MPP7: variants seen among roughly 807,000 people sequenced by gnomAD.
The protein encoded by MPP7 is MAGUK p55 scaffold protein 7, also known as MAGUK p55 subfamily member 7.
MPP7 carries 60 observed loss-of-function variants against 76.5 expected under a neutral mutation model. That is an observed-to-expected ratio of 0.78 (90% confidence interval 0.64 to 0.97). MPP7 has a LOEUF of 0.97. MPP7 is among the 50% of genes least tolerant of loss of function. MPP7 has a pLI of 0.00. For synonymous variants in MPP7, 237 were observed against 244.5 expected, an observed-to-expected ratio of 0.97 and a Z score of 0.29; for missense variants, 641 against 694.0, an observed-to-expected ratio of 0.92 and a Z score of 0.86.
rs1834924077 is a variant in MPP7, at chr10:28,123,927, C to G, written c.615+104G>C. ...AGGGATTAAGTGTTCGAACCCTGCA[C>G]TGCTTAATACAAATCCTGTCTATGT... is the stretch of plus-strand genomic sequence containing the variant. On this transcript the variant is annotated intron_variant, in intron 8 of 16. Coordinates refer to ENST00000683449, the MANE Select transcript of MPP7 (RefSeq NM_001318170.2). 7 of 766,818 alleles carry G rather than the reference C, an allele frequency of 9.1e-6. No individual in the cohort carries two copies. The South Asian group carries it at 1.1e-4, about 12-fold the overall frequency. 47.5% of individuals were successfully genotyped at this position (766,818 alleles called of 1,614,324 possible). A position where few individuals can be genotyped will look rare whatever the true frequency, so the allele number is the denominator to read the frequency against.
At chr10:28,318,355 G>A (rs146831230) in intron 2 of MPP7, among the ~76,000 whole-genome samples, 91 of 152,260 alleles carry the variant, frequency 6.0e-4, no homozygotes, top group South Asian at 3.5e-3. Context: ...TTCCTTCTCT[G>A]TGTAACATAA....
intron 1 of MPP7, among the ~76,000 whole-genome samples, chr10:28,263,094 A>G (rs1201016830): frequency 2.6e-5 from 4 of 152,198 alleles, no homozygotes; most frequent in Non-Finnish European, 5.9e-5. Flanking sequence ...CTCACATTTA[A>G]AAAGAAACAT....
chr10:28,108,716 T>C (rs1167614304), intron 11 of MPP7, among the ~76,000 whole-genome samples: 3 of 151,966 alleles, frequency 2.0e-5, no homozygotes, highest in African/African-American at 7.3e-5. Context: ...AATTCACCAT[T>C]CATTCCCTCT....
At chr10:28,146,319 G>A (rs144447813) in intron 5 of MPP7, among the ~76,000 whole-genome samples, 1 of 151,560 alleles carries the variant, frequency 6.6e-6, no homozygotes, top group African/African-American at 2.4e-5. Context: ...AGCCTGTTTA[G>A]CTTTTACAGC....
Position 28,238,171 on chromosome 10 carries a change from GA to G in MPP7, c.37+396del, listed in dbSNP as rs1011451592. On this transcript the variant is annotated intron_variant, in intron 2 of 16. Coordinates refer to ENST00000683449, the MANE Select transcript of MPP7 (RefSeq NM_001318170.2). ...TAAGGATAATGTTTTATTTCTTAAA[GA>G]AAAAAAAAAGAGAAAAATATGAATC... Among the ~76,000 whole-genome samples the G allele has an allele frequency of 6.1e-3, 887 of 146,138 alleles. 1 individual carries two copies. The highest frequency in any genetic ancestry group is 0.021 in the African/African-American group (843 of 39,918).
In MPP7 at chr10:28,191,208, G is replaced by A. The variant is rs148530034; in HGVS notation, c.156+10945C>T. ...GGTGAATTCTACAAAACACTTAAGGGAGAAATTATACCAATTCTCTGCAAT... is the reference window on the plus strand; with the variant it reads ...GGTGAATTCTACAAAACACTTAAGGAAGAAATTATACCAATTCTCTGCAAT... On this transcript the variant is annotated intron_variant, in intron 3 of 16. Coordinates refer to ENST00000683449, the MANE Select transcript of MPP7 (RefSeq NM_001318170.2). Among the ~76,000 whole-genome samples, 790 of 152,194 alleles carry A rather than the reference G, an allele frequency of 5.2e-3. 7 individuals carry two copies. The highest frequency in any genetic ancestry group is 0.017 in the African/African-American group (713 of 41,518).
At chr10:28,080,221 T>A (rs1332145426) in intron 12 of MPP7, among the ~76,000 whole-genome samples, 1 of 152,124 alleles carries the variant, frequency 6.6e-6, no homozygotes, top group African/African-American at 2.4e-5. Flanking sequence ...AGGCAGCTAT[T>A]TACTCTACGC....
At chr10:28,137,659 A>G (rs756098056) in intron 5 of MPP7, among the ~76,000 whole-genome samples, 3 of 152,232 alleles carry the variant, frequency 2.0e-5, no homozygotes, top group Non-Finnish European at 4.4e-5. Context: ...TTAATTTTGG[A>G]CAACTAAAAT....
Position 28,098,414 on chromosome 10 carries a change from T to A in MPP7, c.953-8573A>T, listed in dbSNP as rs577934018. On this transcript the variant is annotated intron_variant, in intron 11 of 16. Coordinates refer to ENST00000683449, the MANE Select transcript of MPP7 (RefSeq NM_001318170.2). ...ATGGATACAGAAATATAGAAGAAAA[T>A]ATGTTTTTTAAAAAGACAATGGTTG... Among the ~76,000 whole-genome samples the A allele has an allele frequency of 4.3e-3, 648 of 151,886 alleles. 2 individuals carry two copies. The highest frequency in any genetic ancestry group is 0.014 in the African/African-American group (598 of 41,518).
At chr10:28,189,456 C>A (rs549706182) in intron 3 of MPP7, among the ~76,000 whole-genome samples, 1 of 150,898 alleles carries the variant, frequency 6.6e-6, no homozygotes, top group East Asian at 2.0e-4. Context: ...GTACTTCCAG[C>A]TACTTGGGAG....
intron 2 of MPP7, among the ~76,000 whole-genome samples, chr10:28,209,619 A>G (rs1271187575): frequency 6.6e-6 from 1 of 152,214 alleles, no homozygotes; most frequent in Non-Finnish European, 1.5e-5. Context: ...TTTTTCTAAT[A>G]CAGATTTGAA....
intron 3 of MPP7, among the ~76,000 whole-genome samples, chr10:28,161,144 T>C (rs368469708): frequency 2.2e-3 from 337 of 152,318 alleles, no homozygotes; most frequent in African/African-American, 7.8e-3. Flanking sequence ...ATGGCACTAT[T>C]TCAAAATCGT....
At chr10:28,173,768 A>C (rs774204657) in intron 3 of MPP7, among the ~76,000 whole-genome samples, 1 of 152,256 alleles carries the variant, frequency 6.6e-6, no homozygotes, top group East Asian at 1.9e-4. Flanking sequence ...TGCAAGATCT[A>C]TAAGAGAAAA....
intron 1 of MPP7, among the ~76,000 whole-genome samples, chr10:28,280,450 A>T (rs375645212): frequency 6.6e-6 from 1 of 152,094 alleles, no homozygotes; most frequent in African/African-American, 2.4e-5. Context: ...GCCTGGACAT[A>T]TTCAGTACAG....
chr10:28,258,429 T>G lies in MPP7; in HGVS notation c.-131-19694A>C, dbSNP rs186496309. Among the ~76,000 whole-genome samples, 1,145 of 148,462 alleles carry G rather than the reference T, an allele frequency of 7.7e-3. 16 individuals carry two copies. Among genetic ancestry groups the G allele is most frequent in the African/African-American group, 0.026 (1,070 of 40,846 alleles). On this transcript the variant is annotated intron_variant, in intron 1 of 16. Coordinates refer to ENST00000683449, the MANE Select transcript of MPP7 (RefSeq NM_001318170.2). ...ATAAATTTTTTTTTGAGACAGAGTC[T>G]CACTCTGTCACCCAGGCTAGAGTGC...
At chr10:28,248,894 C>T (rs1839522656) in intron 1 of MPP7, among the ~76,000 whole-genome samples, 1 of 152,114 alleles carries the variant, frequency 6.6e-6, no homozygotes, top group Non-Finnish European at 1.5e-5. Context: ...GATGCTCCCA[C>T]AAGGACCAAG....
intron 2 of MPP7, among the ~76,000 whole-genome samples, chr10:28,214,300 A>G (rs1385134793): frequency 6.6e-6 from 1 of 152,332 alleles, no homozygotes; most frequent in South Asian, 2.1e-4. Context: ...AATTCACCAG[A>G]TAATTAATTT....
chr10:28,156,043 T>TA (rs1044195775), intron 3 of MPP7, among the ~76,000 whole-genome samples: 4 of 151,918 alleles, frequency 2.6e-5, no homozygotes, highest in African/African-American at 7.3e-5. Flanking sequence ...GGAAAAGCAC[T>TA]AAAAAAAATG....
At chr10:28,062,577 CACA>C (rs1564611996) in intron 13 of MPP7, among the ~76,000 whole-genome samples, 59 of 124,150 alleles carry the variant, frequency 4.8e-4, no homozygotes, top group African/African-American at 1.9e-3. Context: ...CACACACACA[CACA>C]CCAAAGGTTG....
Sources: gnomAD v4.1 joint callset for allele counts (sites outside exome capture counted in the v4.1 genomes callset) on GRCh38, gnomAD v4.1.1 for gene constraint, MANE v1.5 for transcripts, NCBI Gene and HGNC (gene_info 2026-07-23, HGNC 2026-07-21) for gene names.